Variants in UBAC1 observed in about 807,000 individuals in gnomAD.
The protein encoded by UBAC1 is ubiquitin-associated domain-containing protein 1.
A neutral mutation model predicts 45.9 loss-of-function variants in UBAC1; 27 were observed. That is an observed-to-expected ratio of 0.59 (90% confidence interval 0.43 to 0.81). The LOEUF is 0.81. Among genes scored for constraint, UBAC1 ranks in the 30% least tolerant of loss-of-function variants. UBAC1 has a pLI of 0.00. For synonymous variants in UBAC1, 227 were observed against 215.5 expected, an observed-to-expected ratio of 1.05 and a Z score of -0.47; for missense variants, 529 against 539.2, an observed-to-expected ratio of 0.98 and a Z score of 0.19.
rs151159711 is a variant in UBAC1 at position 135,933,392 on chromosome 9, A to G, written c.*8T>C. Reference sequence around the variant, plus strand: ...CTGTGGCCTGATAGCCGAGTGGAACAACGCCACCTACGTGCGATTTAGTGT... The same window carrying G: ...CTGTGGCCTGATAGCCGAGTGGAACGACGCCACCTACGTGCGATTTAGTGT... On this transcript the variant is annotated 3_prime_UTR_variant, in exon 10 of 10. Transcript: ENST00000371756. 35,983 of 1,612,982 alleles carry G rather than the reference A, an allele frequency of 0.022. 501 individuals are homozygous for G. Among genetic ancestry groups the G allele is most frequent in the African/African-American group, 0.024 (1,777 of 75,032 alleles).
Position 135,941,855 on chromosome 9 carries a change from T to G in UBAC1, c.877-2096A>C, listed in dbSNP as rs568058902. On this transcript the variant is annotated intron_variant, in intron 7 of 9. Transcript: ENST00000371756. The stretch of plus-strand genomic sequence containing the variant: ...ATCTGTTTTGGCCTCAAGTCAGAGC[T>G]CTCCAATCCTTTCTCAGTAACAAAG... Among the ~76,000 whole-genome samples, 31 of 152,324 alleles carry G rather than the reference T, an allele frequency of 2.0e-4. No homozygotes were observed. In the South Asian group the frequency reaches 5.8e-3, roughly 29 times the overall value.
intron 9 of UBAC1, among the ~76,000 whole-genome samples, chr9:135,935,571 G>C (rs536297616): frequency 3.0e-4 from 45 of 152,198 alleles, no homozygotes; most frequent in Non-Finnish European, 5.4e-4. Context: ...GGTCAAGGCT[G>C]CAGTAAGCTG....
At chr9:135,955,658 C>T (rs986534770) in intron 1 of UBAC1, among the ~76,000 whole-genome samples, 5 of 152,224 alleles carry the variant, frequency 3.3e-5, no homozygotes, top group Admixed American at 1.3e-4. Context: ...TCTGATATAC[C>T]ACACCCTACT....
intron 9 of UBAC1, among the ~76,000 whole-genome samples, chr9:135,935,675 T>C (rs540365934): frequency 1.3e-5 from 2 of 151,346 alleles, no homozygotes; most frequent in African/African-American, 4.9e-5. Flanking sequence ...ATAGACAGTA[T>C]GTAAAAGAAG....
In UBAC1 at chr9:135,947,860, C is replaced by T; in HGVS notation, c.379G>A (p.Ala127Thr). 6.2e-7 allele frequency: 1 copy of T among 1,614,180 alleles called. No individual in the cohort carries two copies. The highest frequency in any genetic ancestry group is 1.1e-5 in the South Asian group (1 of 91,084). The change falls in exon 4 of 10, where the codon GCC (alanine) becomes ACC (threonine). Residue 127 changes from alanine to threonine, a missense_variant. Ala to Thr is a moderately conservative substitution (Grantham distance 58). Coordinates refer to ENST00000371756, the MANE Select transcript of UBAC1 (RefSeq NM_016172.3). The stretch of plus-strand genomic sequence containing the variant: ...TTGTAGGAGGGCAGGTTGGCGGTGG[C>T]CCGCAGTATGGCCTCTTTATCTGGA... ...KAPDKEAILR[A>T]TANLPSYNMD...
intron 9 of UBAC1, among the ~76,000 whole-genome samples, chr9:135,934,436 G>A (rs572713220): frequency 7.9e-5 from 12 of 152,288 alleles, no homozygotes; most frequent in Middle Eastern, 3.4e-3. Flanking sequence ...CGAAGCAGGC[G>A]GATCATGAGG....
At chr9:135,959,144 G>T (rs1220126042) in intron 1 of UBAC1, among the ~76,000 whole-genome samples, 1 of 152,138 alleles carries the variant, frequency 6.6e-6, no homozygotes, top group African/African-American at 2.4e-5. Context: ...ACATCGCACC[G>T]AGTGAGTTAA....
rs566101922 is a variant in UBAC1, at chr9:135,938,502, T to C, written c.964-142A>G. Reference sequence around the variant, plus strand: ...GGGCTGATCTCCCTGGAAGGGACTCTACCGTGAAGACAAACGCAGTCTGGA... The same window carrying C: ...GGGCTGATCTCCCTGGAAGGGACTCCACCGTGAAGACAAACGCAGTCTGGA... On this transcript the variant is annotated intron_variant, in intron 8 of 9. Transcript: ENST00000371756. 4.5e-5 allele frequency: 49 copies of C among 1,094,162 alleles called. 1 individual carries two copies. The South Asian group carries it at 7.2e-4, about 16-fold the overall frequency. The allele number at this position is 1,094,162 out of a possible 1,614,324, so 67.8% of individuals were successfully genotyped here.
chr9:135,938,139 C>T (rs956970680), intron 9 of UBAC1, 83 bp downstream of exon 9: 11 of 1,550,110 alleles, frequency 7.1e-6, no homozygotes, highest in Admixed American at 1.9e-5. Flanking sequence ...TCCTCCGTAT[C>T]GCCTCCGCAG....
chr9:135,955,294 C>T lies in UBAC1; in HGVS notation c.259+1G>A. ...AACCCGCCCGCCCACAGCAGCCTTA[C>T]CTTGGTCCTGGATGTTCTCTTCCAG... On this transcript the variant is annotated splice_donor_variant, in intron 2 of 9. Transcript: ENST00000371756. LOFTEE classifies it high-confidence loss of function. 6.4e-7 allele frequency: 1 copy of T among 1,573,342 alleles called. No individual in the cohort carries two copies. Among genetic ancestry groups the T allele is most frequent in the African/African-American group, 1.4e-5 (1 of 72,990 alleles).
At chr9:135,938,665 T>A (rs1057388428) in intron 8 of UBAC1, among the ~76,000 whole-genome samples, 3 of 152,172 alleles carry the variant, frequency 2.0e-5, no homozygotes, top group Admixed American at 2.0e-4. Flanking sequence ...CCCAGGAGTG[T>A]TGGGAAGGTG....
In UBAC1 at chr9:135,933,170, C is replaced by T. The variant is rs112298604; in HGVS notation, c.*230G>A. 5.5e-5 allele frequency: 28 copies of T among 512,912 alleles called. No homozygotes were observed. The highest frequency in any genetic ancestry group is 2.7e-4 in the African/African-American group (14 of 51,958). 31.8% of individuals were successfully genotyped at this position (512,912 alleles called of 1,614,324 possible). ...GAGGCCATCACTCCACTTCCCAGTGCGACAACCACTTTTTTGTAAACACCT... is the reference window on the plus strand; with the variant it reads ...GAGGCCATCACTCCACTTCCCAGTGTGACAACCACTTTTTTGTAAACACCT... On this transcript the variant is annotated 3_prime_UTR_variant, in exon 10 of 10. Coordinates refer to ENST00000371756, the MANE Select transcript of UBAC1 (RefSeq NM_016172.3).
At chr9:135,944,828 G>C (rs1041658948) in intron 7 of UBAC1, among the ~76,000 whole-genome samples, 200 bp downstream of exon 7, 1 of 152,200 alleles carries the variant, frequency 6.6e-6, no homozygotes, top group Non-Finnish European at 1.5e-5. Context: ...AGAAACTCGG[G>C]CCACGGTCCC....
intron 1 of UBAC1, among the ~76,000 whole-genome samples, chr9:135,958,434 G>C (rs1020770736): frequency 2.0e-5 from 3 of 152,198 alleles, no homozygotes; most frequent in African/African-American, 7.2e-5. Context: ...ATGGAAGCTA[G>C]AGGCCACCAC....
At position 135,955,410 on chromosome 9, in the gene UBAC1, A is replaced by G. The variant is rs759239504; in HGVS notation, c.144T>C (p.Ala48=). The change falls in exon 2 of 10, where the codon GCT becomes GCC. Residue 48 remains alanine (A), a synonymous_variant. Coordinates refer to ENST00000371756, the MANE Select transcript of UBAC1 (RefSeq NM_016172.3). ...TTTTGGGATCTTCTAAGCTCCCATG[A>G]GCACACTGGGGAAAAATAGAAATTT... ...KLKERCLKHC[A]HGSLEDPKSI... is the part of the protein sequence containing the mutation. The G allele has an allele frequency of 1.3e-6, 2 of 1,558,552 alleles. No homozygotes were observed. The highest frequency in any genetic ancestry group is 2.2e-5 in the Admixed American group (1 of 46,176).
At chr9:135,951,385 G>A (rs1258439541) in intron 3 of UBAC1, among the ~76,000 whole-genome samples, 7 of 152,126 alleles carry the variant, frequency 4.6e-5, no homozygotes, top group Non-Finnish European at 7.4e-5. Flanking sequence ...AGCTACTCGG[G>A]AGGCTGAGGC....
At chr9:135,933,577 G>T in intron 9 of UBAC1, 62 bp from the exon 10 acceptor site, 1 of 1,239,686 alleles carries the variant, frequency 8.1e-7, no homozygotes, top group Non-Finnish European at 1.2e-6. Flanking sequence ...AGGCACAGGC[G>T]TGACTTTCCT....
Position 135,938,336 on chromosome 9 carries a change from T to C in UBAC1, c.988A>G (p.Lys330Glu), listed in dbSNP as rs1235940935. 6.2e-7 allele frequency: 1 copy of C among 1,613,898 alleles called. No homozygotes were observed. The highest frequency in any genetic ancestry group is 2.2e-5 in the East Asian group (1 of 44,878). The change falls in exon 9 of 10, where the codon AAG becomes GAG. Residue 330 changes from lysine to glutamate, a missense_variant. Transcript: ENST00000371756. ...AACEWLLGDR[K>E]PSPEELDKGI... Reference sequence around the variant, plus strand: ...TTGTCCAGCTCCTCCGGAGAGGGCTTCCGGTCCCCCAGCAGCCACTCGCAC... The same window carrying C: ...TTGTCCAGCTCCTCCGGAGAGGGCTCCCGGTCCCCCAGCAGCCACTCGCAC...
rs1056136919 is a variant in UBAC1, at chr9:135,947,742, G to A, written c.441+56C>T. 6.9e-6 allele frequency: 10 copies of A among 1,453,176 alleles called. No individual in the cohort carries two copies. The African/African-American group carries it at 1.1e-4, about 16-fold the overall frequency. 90.0% of individuals were successfully genotyped at this position (1,453,176 alleles called of 1,614,324 possible). A position where few individuals can be genotyped will look rare whatever the true frequency, so the allele number is the denominator to read the frequency against. ...CCCGCCCCGCAGGAACCCCCCCACA[G>A]CAATCCCCCACACGGGGACCCCATG... On this transcript the variant is annotated intron_variant, in intron 4 of 9. Coordinates refer to ENST00000371756, the MANE Select transcript of UBAC1 (RefSeq NM_016172.3).
Sources: gnomAD v4.1 joint callset for allele counts (sites outside exome capture counted in the v4.1 genomes callset) on GRCh38, gnomAD v4.1.1 for gene constraint, MANE v1.5 for transcripts, NCBI Gene and HGNC (gene_info 2026-07-23, HGNC 2026-07-21) for gene names.